Variants in ABCB4 observed in about 807,000 individuals in gnomAD.
ABCB4 encodes phosphatidylcholine translocator ABCB4.
Under a neutral mutation model 145.7 loss-of-function variants are expected in ABCB4, and 76 were observed. The observed-to-expected ratio is 0.52, with a 90% CI of 0.43 to 0.63. The LOEUF (loss-of-function observed/expected upper bound fraction) is 0.63, where lower values mean the gene tolerates loss of function less well. ABCB4 is among the 30% of genes least tolerant of loss of function. ABCB4 has a pLI of 0.00. For synonymous variants in ABCB4, 517 were observed against 566.8 expected (o/e 0.91, Z 1.25); for missense variants, 1,234 against 1,553.1 (o/e 0.79, Z 3.45).
intron 3 of ABCB4, among the ~76,000 whole-genome samples, chr7:87,471,737 G>T (rs984824454): frequency 6.6e-6 from 1 of 152,174 alleles, no homozygotes; most frequent in Non-Finnish European, 1.5e-5. Context: ...GCCTCTGTAA[G>T]ACATATTTCA....
At chr7:87,453,258 A>C in intron 5 of ABCB4, 123 bp from the exon 6 acceptor site, 1 of 891,638 alleles carries the variant, frequency 1.1e-6, no homozygotes. Flanking sequence ...ATCTCAGCTC[A>C]CTGCAACCTC....
At chr7:87,395,941 T>C in the ABCB4 span, among the ~76,000 whole-genome samples, 1 of 152,254 alleles carries the variant, frequency 6.6e-6, no homozygotes, top group East Asian at 1.9e-4. Context: ...TCTGGAAGGA[T>C]TACACCATTG....
Position 87,417,266 on chromosome 7 carries a change from G to T in ABCB4, c.2682+46C>A, listed in dbSNP as rs372397811. On this transcript the variant is annotated intron_variant, in intron 21 of 27. Transcript: ENST00000649586. ...GATAAATAATTCAAATAAAACACAT[G>T]TCTAAAAACAACACTTAACACCAAT... The T allele has an allele frequency of 3.0e-5, 47 of 1,566,540 alleles. No homozygotes were observed. In the East Asian group the frequency reaches 3.6e-4, roughly 12 times the overall value.
chr7:87,455,812 G>A (rs535939083), intron 4 of ABCB4, among the ~76,000 whole-genome samples: 165 of 152,006 alleles, frequency 1.1e-3, no homozygotes, highest in South Asian at 4.2e-3. Context: ...TCGTGTTTTC[G>A]TGTTTTCGTG....
At chr7:87,382,086 G>A in the ABCB4 span, 1 of 1,611,824 alleles carries the variant, frequency 6.2e-7, no homozygotes. Flanking sequence ...TTCAGAGAAG[G>A]TACGAGATAT....
chr7:87,400,508 T>TGATACATTTCTTC (rs2116279008), downstream of ABCB4, among the ~76,000 whole-genome samples: 1 of 152,338 alleles, frequency 6.6e-6, no homozygotes, highest in South Asian at 2.1e-4. Context: ...CAGTAGCATT[T>TGATACATTTCTTC]GATACATTTC....
rs1809630552 is a variant in ABCB4 at position 87,423,948 on chromosome 7, C to T, written c.2169G>A (p.Gly723=). 5 of 1,614,024 alleles carry T rather than the reference C, an allele frequency of 3.1e-6. No individual in the cohort carries two copies. In the East Asian group the frequency reaches 8.9e-5, roughly 29 times the overall value. ...VGTVCAIANG[G]LQPAFSVIFS... ...ATATGACTGAAAATGCCGGCTGAAG[C>T]CCCCCATTGGCAATGGCACATACTG... Residue 723 remains glycine, a synonymous_variant, in exon 17 of 28, where the codon GGG becomes GGA. Transcript: ENST00000649586.
intron 2 of ABCB4, among the ~76,000 whole-genome samples, chr7:87,473,739 G>A (rs950359951): frequency 3.9e-5 from 6 of 152,028 alleles, no homozygotes; most frequent in African/African-American, 1.5e-4. Context: ...GTGTGTGTGT[G>A]TGTGTGTATG....
At position 87,451,620 on chromosome 7, in the gene ABCB4, T is replaced by G; in HGVS notation, c.708+3A>C. The G allele has an allele frequency of 6.2e-7, 1 of 1,614,154 alleles. No homozygotes were observed. The highest frequency in any genetic ancestry group is 1.1e-5 in the South Asian group (1 of 91,082). On this transcript the variant is annotated splice_donor_region_variant and intron_variant, in intron 7 of 27. Coordinates refer to ENST00000649586, the MANE Select transcript of ABCB4 (RefSeq NM_000443.4). ...CACATAAAAAGGCCCAGCTTTCACATACCTTTGCCCAAACGGCTGCAGAGA... is the reference window on the plus strand; with the variant it reads ...CACATAAAAAGGCCCAGCTTTCACAGACCTTTGCCCAAACGGCTGCAGAGA...
the ABCB4 span, among the ~76,000 whole-genome samples, chr7:87,377,944 C>G: frequency 6.6e-6 from 1 of 152,114 alleles, no homozygotes; most frequent in Non-Finnish European, 1.5e-5. Flanking sequence ...AAATGAACAA[C>G]TTTTCTTGCT....
At chr7:87,417,561 T>C (rs1172830477) in intron 20 of ABCB4, 46 bp from the exon 21 acceptor site, 2 of 1,501,646 alleles carry the variant, frequency 1.3e-6, no homozygotes, top group Non-Finnish European at 9.3e-7. Flanking sequence ...AAGCTCCAAA[T>C]GCATGCGCTC....
chr7:87,392,856 A>G, the ABCB4 span: 54 of 1,609,320 alleles, frequency 3.4e-5, no homozygotes, highest in Non-Finnish European at 4.6e-5. Context: ...AGCTTCATCA[A>G]TTGGCTTCCT....
Position 87,420,041 on chromosome 7 carries a change from G to C in ABCB4, c.2351C>G (p.Thr784Ser), listed in dbSNP as rs182384976. 2 of 1,614,110 alleles carry C rather than the reference G, an allele frequency of 1.2e-6. No homozygotes were observed. The highest frequency in any genetic ancestry group is 2.7e-5 in the African/African-American group (2 of 75,040). Residue 784 changes from threonine (T) to serine (S), a missense_variant, in exon 19 of 28, where the codon ACC (threonine) becomes AGC (serine). Physicochemically the swap from Thr to Ser is moderately conservative, Grantham distance 58. Around this residue, in one of 7 missense-constraint regions of ABCB4, gnomAD observed 321 missense variants for 332.6 expected, o/e 0.97. Transcript: ENST00000649586. ...AAAAGCCATTGACCGCAGTCTTCTG[G>C]TGAGGATCTCGCCAGCTTTCCCAAA... ...FTFGKAGEILTRRLRSMAFKA... is the reference protein window; with the variant it reads ...FTFGKAGEILSRRLRSMAFKA...
At position 87,416,370 on chromosome 7, in the gene ABCB4, T is replaced by C. The variant is rs189937023; in HGVS notation, c.2682+942A>G. Among the ~76,000 whole-genome samples, 658 of 152,346 alleles carry C rather than the reference T, an allele frequency of 4.3e-3. 6 individuals are homozygous for C. The highest frequency in any genetic ancestry group is 7.7e-3 in the Non-Finnish European group (523 of 68,026). Reference sequence around the variant, plus strand: ...CTATAGAGATACTGTCTGTTCCACTTCTCATAACTAGTTAAGGTCAGTTGC... The same window carrying C: ...CTATAGAGATACTGTCTGTTCCACTCCTCATAACTAGTTAAGGTCAGTTGC... On this transcript the variant is annotated intron_variant, in intron 21 of 27. Coordinates refer to ENST00000649586, the MANE Select transcript of ABCB4 (RefSeq NM_000443.4).
chr7:87,367,692 C>A, the ABCB4 span, among the ~76,000 whole-genome samples: 2 of 152,208 alleles, frequency 1.3e-5, no homozygotes, highest in South Asian at 2.1e-4. Context: ...CTTGCTTAGT[C>A]AAGAAACTTG....
At chr7:87,444,647 A>T (rs976923444) in intron 10 of ABCB4, among the ~76,000 whole-genome samples, 2 of 152,198 alleles carry the variant, frequency 1.3e-5, no homozygotes, top group Non-Finnish European at 2.9e-5. Flanking sequence ...TGAGATCAGT[A>T]TTATTATATT....
Position 87,475,619 on chromosome 7 carries a change from C to T in ABCB4, c.-7+15G>A, listed in dbSNP as rs1279856703. On this transcript the variant is annotated intron_variant, in intron 1 of 27. Coordinates refer to ENST00000649586, the MANE Select transcript of ABCB4 (RefSeq NM_000443.4). The stretch of plus-strand genomic sequence containing the variant: ...GGTCTCCCTTCGAGGCCAGACGCGC[C>T]CGGACCTCTCTCACCTCGAACCTCG... 4.0e-6 allele frequency: 3 copies of T among 750,414 alleles called. No individual in the cohort carries two copies. The highest frequency in any genetic ancestry group is 3.5e-5 in the African/African-American group (2 of 57,736). 46.5% of individuals were successfully genotyped at this position (750,414 alleles called of 1,614,324 possible).
chr7:87,381,917 C>T, the ABCB4 span: 4 of 1,605,196 alleles, frequency 2.5e-6, no homozygotes, highest in East Asian at 6.7e-5. Context: ...TAGCATGCTC[C>T]TTTTGATGCA....
the ABCB4 span, among the ~76,000 whole-genome samples, chr7:87,376,961 G>T: frequency 6.6e-6 from 1 of 152,034 alleles, no homozygotes; most frequent in Non-Finnish European, 1.5e-5. Context: ...AACAGGTTTA[G>T]TAGGAAACGA....
Sources: allele counts gnomAD v4.1 joint callset (sites outside exome capture counted in the v4.1 genomes callset), GRCh38; gene constraint gnomAD v4.1.1; regional missense constraint gnomAD v4.1.1; transcripts MANE v1.5; gene names NCBI Gene and HGNC (gene_info 2026-07-23, HGNC 2026-07-21).